Variants in BCL11A observed in about 807,000 individuals in gnomAD.
BCL11A encodes the protein B cell CLL/lymphoma 11A.
Under a neutral mutation model 55.9 loss-of-function variants are expected in BCL11A, and 2 were observed. The observed-to-expected ratio is 0.04, with a 90% confidence interval of 0.01 to 0.11. The LOEUF is 0.11. Ranked by LOEUF, BCL11A falls within the 10% of genes least tolerant of loss-of-function variation. The pLI is 1.00. For synonymous variants in BCL11A, 465 were observed against 473.4 expected (o/e 0.98, Z 0.23); for missense variants, 817 against 1,137.1 (o/e 0.72, Z 4.05).
intron 2 of BCL11A, among the ~76,000 whole-genome samples, chr2:60,496,394 C>A (rs1678952138): frequency 6.6e-6 from 1 of 152,200 alleles, no homozygotes; most frequent in Admixed American, 6.5e-5. Context: ...GAAACCATTT[C>A]CCAGGCAGAG....
intron 2 of BCL11A, among the ~76,000 whole-genome samples, chr2:60,485,886 T>C (rs904260204): frequency 1.3e-5 from 2 of 152,188 alleles, no homozygotes; most frequent in Admixed American, 6.5e-5. Context: ...TTGGAAATAA[T>C]ACATTGCTGC....
rs1676276012 is a variant in BCL11A at position 60,461,409 on chromosome 2, CTCCTCT to C, written c.1497_1502del (p.Glu503_Glu504del). On this transcript the variant is annotated inframe_deletion, in exon 4 of 4. Coordinates refer to ENST00000642384, the MANE Select transcript of BCL11A (RefSeq NM_022893.4). ...TCTCGCTCTCCGTCAGCTCCTCCTC[CTCCTCT>C]TCCTCCTCTTCTTCCTCTTCCTCGT... 3.7e-6 allele frequency: 6 copies of C among 1,603,834 alleles called. No homozygotes were observed. The highest frequency in any genetic ancestry group is 3.4e-6 in the Non-Finnish European group (4 of 1,178,258).
exon 5 of BCL11A, chr2:60,451,266 T>G (rs916372948): frequency 8.9e-6 from 2 of 225,838 alleles, no homozygotes; most frequent in South Asian, 1.8e-4. Flanking sequence ...AGAAGGTGGA[T>G]AGGTAGGATT....
intron 1 of BCL11A, among the ~76,000 whole-genome samples, chr2:60,552,212 G>A (rs1308796681): frequency 6.6e-6 from 1 of 151,794 alleles, no homozygotes; most frequent in African/African-American, 2.4e-5. Context: ...TTCGGTTTGG[G>A]GGCAAGAAAT....
At chr2:60,497,135 G>A (rs1448976476) in intron 2 of BCL11A, among the ~76,000 whole-genome samples, 1 of 152,170 alleles carries the variant, frequency 6.6e-6, no homozygotes, top group East Asian at 1.9e-4. Flanking sequence ...CATCCCCTAA[G>A]CTAGAGCTAG....
chr2:60,531,161 G>C (rs1477281044), intron 2 of BCL11A, among the ~76,000 whole-genome samples: 4 of 137,216 alleles, frequency 2.9e-5, no homozygotes, highest in Non-Finnish European at 4.8e-5. Flanking sequence ...AGAAATTAGA[G>C]AAAAAAAAAA....
In BCL11A at chr2:60,461,760, C is replaced by T; in HGVS notation, c.1152G>A (p.Lys384=). 6.2e-7 allele frequency: 1 copy of T among 1,611,780 alleles called. No homozygotes were observed. The highest frequency in any genetic ancestry group is 8.5e-7 in the Non-Finnish European group (1 of 1,179,688). The change falls in exon 4 of 4, where the codon AAG becomes AAA. Residue 384 remains lysine (K), a synonymous_variant. Coordinates refer to ENST00000642384, the MANE Select transcript of BCL11A (RefSeq NM_022893.4). ...CCAGGTTGCTCTGAAATTTGAACGTCTTGCCGCAGAACTCGCATGACTTGG... is the reference window on the plus strand; with the variant it reads ...CCAGGTTGCTCTGAAATTTGAACGTTTTGCCGCAGAACTCGCATGACTTGG... ...VKSKSCEFCG[K]TFKFQSNLVV... is the part of the protein sequence containing the mutation.
At chr2:60,501,505 C>CTTTTTTTTT (rs11366853) in intron 2 of BCL11A, among the ~76,000 whole-genome samples, 2 of 119,726 alleles carry the variant, frequency 1.7e-5, no homozygotes, top group Non-Finnish European at 3.5e-5. Flanking sequence ...ACACCGCTTT[C>CTTTTTTTTT]TTTTTTTTTT....
At chr2:60,488,998 G>A (rs931206083) in intron 2 of BCL11A, among the ~76,000 whole-genome samples, 1 of 152,114 alleles carries the variant, frequency 6.6e-6, no homozygotes, top group Non-Finnish European at 1.5e-5. Flanking sequence ...GACCTTAGGT[G>A]ATCCACCCAC....
intron 2 of BCL11A, chr2:60,532,781 T>A (rs1293410661): frequency 2.6e-5 from 4 of 152,208 alleles, no homozygotes; most frequent in Non-Finnish European, 1.5e-5. Context: ...TTTAAAGCAT[T>A]AACTGGTTTG....
intron 2 of BCL11A, among the ~76,000 whole-genome samples, chr2:60,470,830 T>G (rs1450696576): frequency 6.6e-6 from 1 of 152,226 alleles, no homozygotes; most frequent in Non-Finnish European, 1.5e-5. Context: ...GTTTTCTAAG[T>G]TGTAAAAAAC....
At chr2:60,532,442 C>T (rs759626335) in intron 2 of BCL11A, among the ~76,000 whole-genome samples, 13 of 147,014 alleles carry the variant, frequency 8.8e-5, no homozygotes, top group Admixed American at 1.4e-4. Flanking sequence ...GTGGTGGTGG[C>T]GTTAATGTTT....
intron 2 of BCL11A, among the ~76,000 whole-genome samples, chr2:60,501,059 G>A (rs1206667119): frequency 7.9e-5 from 12 of 152,228 alleles, no homozygotes; most frequent in Admixed American, 7.9e-4. Flanking sequence ...CTCAGCAACA[G>A]AGGTCTCCAC....
chr2:60,461,775 G>A lies in BCL11A; in HGVS notation c.1137C>T (p.Cys379=), dbSNP rs748377003. The part of the protein sequence containing the change: ...PSQPPVKSKS[C]EFCGKTFKFQ... ...ATTTGAACGTCTTGCCGCAGAACTC[G>A]CATGACTTGGACTTGACCGGGGGCT... is the stretch of plus-strand genomic sequence containing the variant. Residue 379 remains cysteine, a synonymous_variant, in exon 4 of 4, where the codon TGC becomes TGT. Coordinates refer to ENST00000642384, the MANE Select transcript of BCL11A (RefSeq NM_022893.4). 2.5e-6 allele frequency: 4 copies of A among 1,612,010 alleles called. No individual in the cohort carries two copies. The highest frequency in any genetic ancestry group is 3.3e-5 in the Admixed American group (2 of 59,932).
chr2:60,465,618 G>C (rs1572958229), intron 3 of BCL11A, among the ~76,000 whole-genome samples: 1 of 152,312 alleles, frequency 6.6e-6, no homozygotes, highest in East Asian at 1.9e-4. Flanking sequence ...TCTGAGACTG[G>C]AGGCCTAGCT....
At chr2:60,490,841 A>T (rs1209793408) in intron 2 of BCL11A, among the ~76,000 whole-genome samples, 1 of 152,204 alleles carries the variant, frequency 6.6e-6, no homozygotes, top group Non-Finnish European at 1.5e-5. Context: ...CCTAAAAGGG[A>T]AGTTATTTTT....
chr2:60,478,455 T>C (rs1416708352), intron 2 of BCL11A, among the ~76,000 whole-genome samples: 1 of 152,230 alleles, frequency 6.6e-6, no homozygotes, highest in Admixed American at 6.5e-5. Context: ...CACTTGCCTT[T>C]CTGGCACTAT....
At chr2:60,470,853 C>T (rs1021837629) in intron 2 of BCL11A, among the ~76,000 whole-genome samples, 7 of 152,180 alleles carry the variant, frequency 4.6e-5, no homozygotes, top group Non-Finnish European at 8.8e-5. Flanking sequence ...TAGCTATCAT[C>T]AAGTCTGTCC....
chr2:60,516,788 G>C (rs575046190), intron 2 of BCL11A, among the ~76,000 whole-genome samples: 1 of 152,222 alleles, frequency 6.6e-6, no homozygotes, highest in African/African-American at 2.4e-5. Flanking sequence ...CAGGACATAA[G>C]AGTGCAGACA....
Sources: gnomAD v4.1 joint callset for allele counts (sites outside exome capture counted in the v4.1 genomes callset) on GRCh38, gnomAD v4.1.1 for gene constraint, MANE v1.5 for transcripts, NCBI Gene and HGNC (gene_info 2026-07-23, HGNC 2026-07-21) for gene names.